The following EPS8 variants were observed in gnomAD, a reference collection of about 807,000 sequenced individuals.
EPS8 encodes the protein epidermal growth factor receptor kinase substrate 8.
A neutral mutation model predicts 103.8 loss-of-function variants in EPS8; 42 were observed. The observed-to-expected ratio is 0.40, with a 90% CI of 0.32 to 0.52. The LOEUF (loss-of-function observed/expected upper bound fraction) is 0.52, where lower values mean the gene tolerates loss of function less well. Ranked by LOEUF, EPS8 falls within the 20% of genes least tolerant of loss-of-function variation. The pLI, the probability that EPS8 is intolerant of heterozygous loss-of-function variation, is 0.40. For missense variants in EPS8, 969 were observed against 1,005.1 expected (o/e 0.96, Z 0.49); for synonymous variants, 344 against 344.6 (o/e 1.00, Z 0.02).
intron 1 of EPS8, among the ~76,000 whole-genome samples, chr12:15,739,756 G>A (rs986742924): frequency 2.0e-5 from 3 of 151,926 alleles, no homozygotes; most frequent in Non-Finnish European, 4.4e-5. Context: ...CCCCTAATAA[G>A]CCCCTTATCA....
At chr12:15,685,781 C>G (rs988593434) in intron 1 of EPS8, among the ~76,000 whole-genome samples, 2 of 152,050 alleles carry the variant, frequency 1.3e-5, no homozygotes, top group African/African-American at 4.8e-5. Flanking sequence ...AAATGTTTGT[C>G]TTTTTTTCCA....
At chr12:15,742,212 C>T (rs1946832109) in intron 1 of EPS8, among the ~76,000 whole-genome samples, 1 of 152,290 alleles carries the variant, frequency 6.6e-6, no homozygotes, top group Admixed American at 6.5e-5. Context: ...GATTTATAAT[C>T]CTTTGGGTAC....
chr12:15,719,597 T>A (rs1472615102), intron 1 of EPS8, among the ~76,000 whole-genome samples: 1 of 152,202 alleles, frequency 6.6e-6, no homozygotes, highest in Non-Finnish European at 1.5e-5. Flanking sequence ...CCAGAGGACA[T>A]ATCAGTTTTT....
Position 15,734,277 on chromosome 12 carries a change from C to T in EPS8, c.-21-51305G>A, listed in dbSNP as rs1467646194. Among the ~76,000 whole-genome samples the T allele has an allele frequency of 1.3e-5, 2 of 152,200 alleles. No homozygotes were observed. The highest frequency in any genetic ancestry group is 2.9e-5 in the Non-Finnish European group (2 of 68,044). ...TGTTTTCTCTCCTCCTCAGCTGCTT[C>T]CTCCTCTTCCTTTTCTTCTATTTGT... On this transcript the variant is annotated intron_variant, in intron 1 of 20. Transcript: ENST00000281172. The surrounding 1 kb of genome is among the most constrained non-coding windows in gnomAD (Gnocchi z 4.1).
Position 15,748,644 on chromosome 12 carries a change from T to C in EPS8, c.-22+40517A>G, listed in dbSNP as rs1230083908. Among the ~76,000 whole-genome samples, 1 of 152,164 alleles carries C rather than the reference T, an allele frequency of 6.6e-6. No homozygotes were observed. Among genetic ancestry groups the C allele is most frequent in the Non-Finnish European group, 1.5e-5 (1 of 68,038 alleles). On this transcript the variant is annotated intron_variant, in intron 1 of 20. Coordinates refer to ENST00000281172, the MANE Select transcript of EPS8 (RefSeq NM_004447.6). The surrounding 1 kb of genome is among the most constrained non-coding windows in gnomAD (Gnocchi z 4.8). ...CGTAGCTTTCATTCCTTTCATCTGATATAAAGAAAAGAAAATATGCCCAGT... is the reference window on the plus strand; with the variant it reads ...CGTAGCTTTCATTCCTTTCATCTGACATAAAGAAAAGAAAATATGCCCAGT...
chr12:15,622,075 T>G (rs1944869504), intron 20 of EPS8, among the ~76,000 whole-genome samples: 1 of 152,172 alleles, frequency 6.6e-6, no homozygotes, highest in Non-Finnish European at 1.5e-5. Flanking sequence ...GAGACCATCC[T>G]GAAGTGGGTG....
At chr12:15,699,482 A>G (rs1254143021) in intron 1 of EPS8, among the ~76,000 whole-genome samples, 1 of 152,200 alleles carries the variant, frequency 6.6e-6, no homozygotes, top group Non-Finnish European at 1.5e-5. Flanking sequence ...TTCCTGCAGG[A>G]TCATATATTT....
At chr12:15,708,542 C>T (rs1011319087) in intron 1 of EPS8, among the ~76,000 whole-genome samples, 1 of 152,162 alleles carries the variant, frequency 6.6e-6, no homozygotes, top group Non-Finnish European at 1.5e-5. Context: ...CAAAGTGAGA[C>T]AGCCAGGCAA....
In EPS8 at chr12:15,695,867, C is replaced by T. The variant is rs538944483; in HGVS notation, c.-21-12895G>A. ...GCAGGCACCTGTAATCCCAGCTACT[C>T]GGGAGGCTGAGACAGGAGAATCACT... On this transcript the variant is annotated intron_variant, in intron 1 of 20. Transcript: ENST00000281172. The surrounding 1 kb of genome is among the most constrained non-coding windows in gnomAD (Gnocchi z 5.0). Among the ~76,000 whole-genome samples the T allele has an allele frequency of 4.3e-4, 66 of 152,182 alleles. No individual in the cohort carries two copies. The highest frequency in any genetic ancestry group is 8.5e-4 in the Admixed American group (13 of 15,284).
chr12:15,777,711 T>C lies in EPS8; in HGVS notation c.-22+11450A>G, dbSNP rs1202104605. Among the ~76,000 whole-genome samples, 1 of 152,080 alleles carries C rather than the reference T, an allele frequency of 6.6e-6. No homozygotes were observed. The highest frequency in any genetic ancestry group is 2.4e-5 in the African/African-American group (1 of 41,404). On this transcript the variant is annotated intron_variant, in intron 1 of 20. Transcript: ENST00000281172. This position sits in a 1 kb window ranked among gnomAD's most constrained non-coding sequence, Gnocchi z 4.7. The stretch of plus-strand genomic sequence containing the variant: ...AAAATATACTTTTCTATTAAAGCCA[T>C]CTGAGGATTGAAAAAGGGTGTCAGA...
intron 1 of EPS8, among the ~76,000 whole-genome samples, chr12:15,699,857 T>C (rs184589674): frequency 6.6e-6 from 1 of 152,268 alleles, no homozygotes; most frequent in Admixed American, 6.5e-5. Context: ...CCACCCCTTT[T>C]TAAAAGTCTT....
At chr12:15,621,482 G>C (rs766666246) in intron 20 of EPS8, 52 bp from the exon 21 acceptor site, 3 of 1,000,332 alleles carry the variant, frequency 3.0e-6, no homozygotes. Context: ...GCAGGCTGCA[G>C]GTCATATCAT....
intron 1 of EPS8, among the ~76,000 whole-genome samples, chr12:15,710,241 AG>A (rs1946444306): frequency 1.3e-5 from 2 of 152,244 alleles, no homozygotes; most frequent in Non-Finnish European, 2.9e-5. Context: ...CTAATACTAG[AG>A]TAATAATGAG....
rs1012061028 is a variant in EPS8, at chr12:15,696,364, G to A, written c.-21-13392C>T. On this transcript the variant is annotated intron_variant, in intron 1 of 20. Transcript: ENST00000281172. The surrounding 1 kb of genome is among the most constrained non-coding windows in gnomAD (Gnocchi z 4.8). ...CAAGTTTAAGAACATGGACTTGGCC[G>A]GGTGCAGTGGCTCACAACTGTAATC... Among the ~76,000 whole-genome samples, 1 of 152,110 alleles carries A rather than the reference G, an allele frequency of 6.6e-6. No individual in the cohort carries two copies. Among genetic ancestry groups the A allele is most frequent in the East Asian group, 1.9e-4 (1 of 5,162 alleles).
At chr12:15,654,536 G>T (rs750600080) in intron 12 of EPS8, 10 of 505,422 alleles carry the variant, frequency 2.0e-5, no homozygotes, top group Non-Finnish European at 3.2e-5. Context: ...CTGCCTATGG[G>T]CTGCATATGA....
chr12:15,685,920 A>G (rs1313528289), intron 1 of EPS8, among the ~76,000 whole-genome samples: 1 of 152,170 alleles, frequency 6.6e-6, no homozygotes, highest in South Asian at 2.1e-4. Context: ...AAAGAGACAA[A>G]GGTTTTTTTA....
At chr12:15,740,737 A>C (rs1464832073) in intron 1 of EPS8, among the ~76,000 whole-genome samples, 1 of 152,094 alleles carries the variant, frequency 6.6e-6, no homozygotes, top group East Asian at 1.9e-4. Context: ...TCTGCCAATT[A>C]ATACATGACT....
Position 15,688,992 on chromosome 12 carries a change from C to A in EPS8, c.-21-6020G>T, listed in dbSNP as rs1225475966. On this transcript the variant is annotated intron_variant, in intron 1 of 20. Coordinates refer to ENST00000281172, the MANE Select transcript of EPS8 (RefSeq NM_004447.6). This position sits in a 1 kb window ranked among gnomAD's most constrained non-coding sequence, Gnocchi z 5.1. ...CCAGTCTGCATGCTCCCCTAGAGGT[C>A]TGAGCAGCGGGGCACTGAAGAAACA... is the stretch of plus-strand genomic sequence containing the variant. Among the ~76,000 whole-genome samples the A allele has an allele frequency of 6.6e-6, 1 of 152,170 alleles. No homozygotes were observed. The highest frequency in any genetic ancestry group is 2.4e-5 in the African/African-American group (1 of 41,458).
At chr12:15,669,271 T>A in intron 6 of EPS8, 116 bp downstream of exon 6, 1 of 849,982 alleles carries the variant, frequency 1.2e-6, no homozygotes, top group Non-Finnish European at 1.8e-6. Context: ...CCTTACGAGA[T>A]GCTCAGAAAC....
Sources: gnomAD v4.1 joint callset for allele counts (sites outside exome capture counted in the v4.1 genomes callset) on GRCh38, gnomAD v4.1.1 for gene constraint, Gnocchi (gnomAD v3.1) non-coding constraint, MANE v1.5 for transcripts, NCBI Gene and HGNC (gene_info 2026-07-23, HGNC 2026-07-21) for gene names.